METTL6: variants seen among roughly 807,000 people sequenced by gnomAD.
METTL6 encodes methyltransferase 6, tRNA N3-cytidine, also known as tRNA N(3)-cytidine methyltransferase METTL6.
METTL6 carries 22 observed loss-of-function variants against 26.4 expected under a neutral mutation model. That is an observed-to-expected ratio of 0.83 (90% confidence interval 0.59 to 1.19). The LOEUF (loss-of-function observed/expected upper bound fraction) is 1.19, where lower values mean the gene tolerates loss of function less well. Among genes scored for constraint, METTL6 ranks in the 50% most tolerant of loss-of-function variants. The probability of loss-of-function intolerance (pLI) is 0.00; values close to 1 mark genes in which losing one functional copy is unlikely to be tolerated. For synonymous variants in METTL6, 109 were observed against 116.2 expected (o/e 0.94, Z 0.40); for missense variants, 304 against 324.8 (o/e 0.94, Z 0.49).
chr3:15,390,905 C>T (rs952255923), intron 6 of METTL6, among the ~76,000 whole-genome samples: 1 of 148,320 alleles, frequency 6.7e-6, no homozygotes, highest in Non-Finnish European at 1.5e-5. Flanking sequence ...CAGGAAGAAT[C>T]AAGTCACATG....
At chr3:15,425,647 T>C (rs1018253719) in intron 2 of METTL6, among the ~76,000 whole-genome samples, 1 of 152,206 alleles carries the variant, frequency 6.6e-6, no homozygotes, top group Non-Finnish European at 1.5e-5. Flanking sequence ...CTAATTCATG[T>C]TGACTATTCA....
intron 6 of METTL6, among the ~76,000 whole-genome samples, chr3:15,401,975 C>T (rs1373940430): frequency 4.6e-5 from 7 of 152,190 alleles, no homozygotes; most frequent in Non-Finnish European, 8.8e-5. Context: ...AACTTGCTTT[C>T]ACTTTACTCT....
At chr3:15,386,833 A>G (rs1311180901) in intron 6 of METTL6, among the ~76,000 whole-genome samples, 1 of 151,328 alleles carries the variant, frequency 6.6e-6, no homozygotes. Context: ...CACTCTTGTC[A>G]CTCAGGCTGG....
chr3:15,411,773 AT>A (rs1029714949), intron 5 of METTL6, among the ~76,000 whole-genome samples: 3 of 150,926 alleles, frequency 2.0e-5, no homozygotes, highest in Admixed American at 6.6e-5. Flanking sequence ...TTAAAAAAAA[AT>A]TTTTTTTTGA....
At chr3:15,395,939 A>T (rs914747934) in intron 6 of METTL6, among the ~76,000 whole-genome samples, 2 of 151,820 alleles carry the variant, frequency 1.3e-5, no homozygotes, top group African/African-American at 4.8e-5. Flanking sequence ...TTTTTCCTTC[A>T]TTTCAACTTT....
At chr3:15,397,260 C>T (rs1031091688) in intron 6 of METTL6, among the ~76,000 whole-genome samples, 5 of 152,200 alleles carry the variant, frequency 3.3e-5, no homozygotes, top group Non-Finnish European at 7.3e-5. Flanking sequence ...AGCGAGGCTC[C>T]GTGGGCGTAG....
chr3:15,413,838 T>C, intron 5 of METTL6, 183 bp downstream of exon 5: 1 of 1,502,118 alleles, frequency 6.7e-7, no homozygotes. Flanking sequence ...TGTGAGCTCT[T>C]CAAGGGCAGG....
intron 3 of METTL6, among the ~76,000 whole-genome samples, chr3:15,422,014 G>A (rs2061621504): frequency 6.6e-6 from 1 of 152,150 alleles, no homozygotes; most frequent in Non-Finnish European, 1.5e-5. Context: ...TAATGTGGCT[G>A]AGTGTGGTGG....
chr3:15,399,327 C>G (rs1010939801), intron 6 of METTL6: 2 of 151,996 alleles, frequency 1.3e-5, no homozygotes, highest in Non-Finnish European at 2.9e-5. Context: ...TACAGAGTAG[C>G]CATTCTTTTA....
intron 5 of METTL6, 147 bp downstream of exon 5, chr3:15,413,874 T>C (rs558536991): frequency 1.3e-6 from 2 of 1,524,598 alleles, no homozygotes; most frequent in Admixed American, 3.9e-5. Context: ...TTCCAGGTGC[T>C]GGGTAAATAT....
chr3:15,401,995 C>T (rs1290627526), intron 6 of METTL6, among the ~76,000 whole-genome samples: 1 of 152,204 alleles, frequency 6.6e-6, no homozygotes, highest in South Asian at 2.1e-4. Flanking sequence ...TATGAACTCG[C>T]CCCGAATTCT....
At chr3:15,421,286 C>T (rs1220050489) in intron 3 of METTL6, among the ~76,000 whole-genome samples, 1 of 152,136 alleles carries the variant, frequency 6.6e-6, no homozygotes, top group Non-Finnish European at 1.5e-5. Flanking sequence ...TGTGATAAAA[C>T]ACGATACATA....
intron 3 of METTL6, among the ~76,000 whole-genome samples, chr3:15,419,185 T>TA (rs35020972): frequency 0.53 from 78,469 of 148,608 alleles, 21,032 homozygotes; most frequent in African/African-American, 0.65. Context: ...AATCCTTGTG[T>TA]AAAAAAAAAA....
At chr3:15,425,812 C>T (rs575562573) in intron 2 of METTL6, among the ~76,000 whole-genome samples, 1 of 152,330 alleles carries the variant, frequency 6.6e-6, no homozygotes, top group East Asian at 1.9e-4. Flanking sequence ...TTAACCAAAC[C>T]AGAAACTGCT....
chr3:15,418,858 C>A (rs1333713044), intron 3 of METTL6, among the ~76,000 whole-genome samples: 1 of 151,952 alleles, frequency 6.6e-6, no homozygotes, highest in Non-Finnish European at 1.5e-5. Flanking sequence ...GAGACCTGAT[C>A]TCTAAGAAAA....
rs866087460 is a variant in METTL6, at chr3:15,417,249, G to C, written c.361-1307C>G. On this transcript the variant is annotated intron_variant, in intron 3 of 5. Coordinates refer to ENST00000383790, the MANE Select transcript of METTL6 (RefSeq NM_152396.4). Reference sequence around the variant, plus strand: ...AGGCAGGTGGATCATGAGGTCAGGAGTTTGAGACCAGCCTGGCCAATATGG... The same window carrying C: ...AGGCAGGTGGATCATGAGGTCAGGACTTTGAGACCAGCCTGGCCAATATGG... Among the ~76,000 whole-genome samples the C allele has an allele frequency of 9.4e-4, 143 of 152,308 alleles. 1 individual carries two copies. Among genetic ancestry groups the C allele is most frequent in the Middle Eastern group, 6.8e-3 (2 of 294 alleles).
intron 3 of METTL6, among the ~76,000 whole-genome samples, chr3:15,421,142 C>G (rs1490999516): frequency 6.6e-6 from 1 of 152,196 alleles, no homozygotes; most frequent in African/African-American, 2.4e-5. Context: ...TGAAAAACCA[C>G]AGGTCTATAG....
chr3:15,400,731 T>G (rs1034931990), intron 6 of METTL6, among the ~76,000 whole-genome samples: 2 of 152,160 alleles, frequency 1.3e-5, no homozygotes, highest in African/African-American at 4.8e-5. Context: ...TTCAGAAAAG[T>G]ATAAAGAAGA....
In METTL6 at chr3:15,386,799, C is replaced by CTT. The variant is rs947149279; in HGVS notation, c.*12-2614_*12-2613dup. 5.6e-3 allele frequency among the ~76,000 whole-genome samples: 824 copies of CTT among 146,322 alleles called. 9 individuals carry two copies. The highest frequency in any genetic ancestry group is 0.019 in the African/African-American group (779 of 40,158). ...TTACCAGTTTTCGGTGTTTCCTTTTCTTTTTTTTTTTGAGACAGAGTTTCA... is the reference window on the plus strand; with the variant it reads ...TTACCAGTTTTCGGTGTTTCCTTTTCTTTTTTTTTTTTTGAGACAGAGTTTCA... On this transcript the variant is annotated intron_variant, in intron 6 of 6. Transcript: ENST00000443029.
Sources: gnomAD v4.1 joint callset for allele counts (sites outside exome capture counted in the v4.1 genomes callset) on GRCh38, gnomAD v4.1.1 for gene constraint, MANE v1.5 for transcripts, NCBI Gene and HGNC (gene_info 2026-07-23, HGNC 2026-07-21) for gene names.